ISM2: variants seen among roughly 807,000 people sequenced by gnomAD.
ISM2 encodes isthmin-2.
A neutral mutation model predicts 58.0 loss-of-function variants in ISM2; 50 were observed. The ratio of observed to expected loss-of-function variants is 0.86; its 90% CI spans 0.69 to 1.09. ISM2 has a LOEUF of 1.09. Among genes scored for constraint, ISM2 ranks in the 50% least tolerant of loss-of-function variants. The pLI is 0.00. For synonymous variants in ISM2, 303 were observed against 312.4 expected, an observed-to-expected ratio of 0.97 and a Z score of 0.32; for missense variants, 723 against 745.0, an observed-to-expected ratio of 0.97 and a Z score of 0.34.
At chr14:77,476,849 CCAA>C (rs2079101568) in intron 6 of ISM2, among the ~76,000 whole-genome samples, 1 of 152,158 alleles carries the variant, frequency 6.6e-6, no homozygotes, top group Non-Finnish European at 1.5e-5. Flanking sequence ...ACCAGCCTGG[CCAA>C]CATGGCAAAG....
intron 1 of ISM2, among the ~76,000 whole-genome samples, chr14:77,489,964 C>T (rs1170860826): frequency 2.6e-5 from 4 of 152,178 alleles, no homozygotes; most frequent in African/African-American, 4.8e-5. Context: ...CCCGGGTTCA[C>T]GCTATTCTCC....
rs2079152294 is a variant in ISM2 at position 77,484,354 on chromosome 14, G to T, written c.596C>A (p.Ala199Glu). The change falls in exon 3 of 7, where the codon GCA (alanine) becomes GAA (glutamate). Residue 199 changes from alanine to glutamate, a missense_variant. Ala to Glu is a moderately radical substitution (Grantham distance 107). Transcript: ENST00000342219. ...ATCAGGGTTAGGGGTACTCAAGGTTGCGTGGACCAATTCTGGCAGCTTCTG... is the reference window on the plus strand; with the variant it reads ...ATCAGGGTTAGGGGTACTCAAGGTTTCGTGGACCAATTCTGGCAGCTTCTG... ...ELQKLPELVHATLSTPNPDNQ... is the reference protein window; with the variant it reads ...ELQKLPELVHETLSTPNPDNQ... The T allele has an allele frequency of 6.2e-7, 1 of 1,612,196 alleles. No homozygotes were observed. The highest frequency in any genetic ancestry group is 1.3e-5 in the African/African-American group (1 of 74,806).
At chr14:77,491,696 T>A (rs1401551689) in intron 1 of ISM2, among the ~76,000 whole-genome samples, 1 of 144,850 alleles carries the variant, frequency 6.9e-6, no homozygotes, top group Non-Finnish European at 1.5e-5. Flanking sequence ...CTGGTCTTTT[T>A]TTTTTTTTTT....
rs1207086343 is a variant in ISM2 at position 77,474,681 on chromosome 14, T to A, written c.*914A>T. The A allele has an allele frequency of 6.6e-6, 1 of 152,132 alleles. No individual in the cohort carries two copies. Among genetic ancestry groups the A allele is most frequent in the East Asian group, 1.9e-4 (1 of 5,192 alleles). The allele number at this position is 152,132 out of a possible 1,614,324, so 9.4% of individuals were successfully genotyped here. ...TGACATGGGACACTGCTGGGAGAAT[T>A]TACACCACAGAAGCTGCCCAAATGC... On this transcript the variant is annotated 3_prime_UTR_variant, in exon 7 of 7. Transcript: ENST00000342219.
chr14:77,498,585 C>T (rs1170467311), intron 1 of ISM2, 68 bp downstream of exon 1: 4 of 1,393,362 alleles, frequency 2.9e-6, no homozygotes, highest in African/African-American at 3.1e-5. Flanking sequence ...CCCCGCACGG[C>T]TGGAGCCGGC....
chr14:77,479,385 A>AT (rs1182524391), intron 4 of ISM2, among the ~76,000 whole-genome samples: 12,438 of 118,598 alleles, frequency 0.1, 664 homozygotes, highest in Admixed American at 0.18. Flanking sequence ...TGCCTGGCTA[A>AT]TTTTTTTTTT....
At chr14:77,497,367 CA>C (rs35676781) in intron 1 of ISM2, among the ~76,000 whole-genome samples, 9,476 of 64,544 alleles carry the variant, frequency 0.15, 372 homozygotes, top group South Asian at 0.27. Context: ...GGCTCTGTCT[CA>C]AAAAAAAAAA....
chr14:77,478,292 C>A lies in ISM2; in HGVS notation c.1148G>T (p.Ser383Ile). Residue 383 changes from serine (S) to isoleucine (I), a missense_variant, in exon 6 of 7, where the codon AGT becomes ATT. Coordinates refer to ENST00000342219, the MANE Select transcript of ISM2 (RefSeq NM_199296.3). ...GCGGGCCAGGAGCTTCCACTCCTCA[C>A]TGGGGAGGCCCAAGGTGTCCTTGTC... ...TEDKDTLGLP[S>I]EEWKLLARNA... is the part of the protein sequence containing the mutation. The A allele has an allele frequency of 6.2e-7, 1 of 1,614,210 alleles. No homozygotes were observed. Among genetic ancestry groups the A allele is most frequent in the South Asian group, 1.1e-5 (1 of 91,086 alleles).
At chr14:77,477,431 G>T (rs776961871) in intron 6 of ISM2, among the ~76,000 whole-genome samples, 5 of 152,212 alleles carry the variant, frequency 3.3e-5, no homozygotes, top group Non-Finnish European at 7.3e-5. Context: ...TTTGGGTTTT[G>T]ACTGGGAGTG....
intron 1 of ISM2, among the ~76,000 whole-genome samples, chr14:77,488,507 A>C (rs188831222): frequency 7.2e-5 from 11 of 152,288 alleles, no homozygotes; most frequent in African/African-American, 2.6e-4. Context: ...GGTGGAAATG[A>C]GTTCAGGCTG....
intron 1 of ISM2, among the ~76,000 whole-genome samples, chr14:77,491,554 A>C (rs1220119523): frequency 1.3e-5 from 2 of 152,008 alleles, no homozygotes; most frequent in East Asian, 3.9e-4. Context: ...ATGCCCGGCT[A>C]ATTTTTTTGG....
chr14:77,477,363 T>C (rs2079104872), intron 6 of ISM2, among the ~76,000 whole-genome samples: 1 of 152,122 alleles, frequency 6.6e-6, no homozygotes, highest in Non-Finnish European at 1.5e-5. Flanking sequence ...CTTTGATAGT[T>C]TGAGGCTCTG....
rs1044648582 is a variant in ISM2 at position 77,475,206 on chromosome 14, C to G, written c.*389G>C. 1 of 160,518 alleles carries G rather than the reference C, an allele frequency of 6.2e-6. No homozygotes were observed. The highest frequency in any genetic ancestry group is 2.4e-5 in the African/African-American group (1 of 41,754). 9.9% of individuals were successfully genotyped at this position (160,518 alleles called of 1,614,324 possible). On this transcript the variant is annotated 3_prime_UTR_variant, in exon 7 of 7. Transcript: ENST00000342219. This position sits in a 1 kb window ranked among gnomAD's most constrained non-coding sequence, Gnocchi z 4.1. ...AGTAGGAGTGACTCGTGGCAGATCC[C>G]GGGAATCGGGATTTTTCTGGAGCTG...
At chr14:77,482,199 AG>A (rs956946633) in intron 4 of ISM2, 122 bp downstream of exon 4, 4 of 638,072 alleles carry the variant, frequency 6.3e-6, no homozygotes, top group Non-Finnish European at 1.1e-5. Flanking sequence ...TGTTTGAACA[AG>A]GCCTAAGCTC....
chr14:77,482,282 C>G (rs376190852), intron 4 of ISM2, 40 bp downstream of exon 4: 17 of 1,508,340 alleles, frequency 1.1e-5, no homozygotes, highest in Non-Finnish European at 1.5e-5. Context: ...TCAGTACCTA[C>G]AGGGGAGCAG....
chr14:77,476,222 C>A lies in ISM2; in HGVS notation c.1199-110G>T. On this transcript the variant is annotated intron_variant, in intron 6 of 6. Coordinates refer to ENST00000342219, the MANE Select transcript of ISM2 (RefSeq NM_199296.3). ...TGGGGAGAGAAGGCCCAGGCCCCAG[C>A]TGGTGCAAAGGCGTGGCTTGGTAGG... The A allele has an allele frequency of 6.2e-6, 8 of 1,282,232 alleles. 1 individual carries two copies. Among genetic ancestry groups the A allele is most frequent in the South Asian group, 6.2e-5 (4 of 64,158 alleles). The allele number at this position is 1,282,232 out of a possible 1,614,324, so 79.4% of individuals were successfully genotyped here. A position where few individuals can be genotyped will look rare whatever the true frequency, so the allele number is the denominator to read the frequency against.
At position 77,475,453 on chromosome 14, in the gene ISM2, A is replaced by G; in HGVS notation, c.*142T>C. 1 of 792,612 alleles carries G rather than the reference A, an allele frequency of 1.3e-6. No individual in the cohort carries two copies. The highest frequency in any genetic ancestry group is 2.7e-5 in the East Asian group (1 of 37,266). 49.1% of individuals were successfully genotyped at this position (792,612 alleles called of 1,614,324 possible). Reference sequence around the variant, plus strand: ...ATATCTGCTTCGGGGTCGCTGGCAGAGGGCACACAGCCTCGGACCAACCTC... The same window carrying G: ...ATATCTGCTTCGGGGTCGCTGGCAGGGGGCACACAGCCTCGGACCAACCTC... On this transcript the variant is annotated 3_prime_UTR_variant, in exon 7 of 7. Coordinates refer to ENST00000342219, the MANE Select transcript of ISM2 (RefSeq NM_199296.3). The surrounding 1 kb of genome is among the most constrained non-coding windows in gnomAD (Gnocchi z 4.1).
Position 77,492,174 on chromosome 14 carries a change from T to C in ISM2, c.141+6479A>G, listed in dbSNP as rs375528852. 5.3e-5 allele frequency among the ~76,000 whole-genome samples: 8 copies of C among 152,240 alleles called. No homozygotes were observed. In the East Asian group the frequency reaches 1.5e-3, roughly 29 times the overall value. On this transcript the variant is annotated intron_variant, in intron 1 of 6. Transcript: ENST00000342219. Reference sequence around the variant, plus strand: ...ACCACACCCAGCCTCTCTTGCCTAATTCTAACCCCCTCAACCCCTTTGTGG... The same window carrying C: ...ACCACACCCAGCCTCTCTTGCCTAACTCTAACCCCCTCAACCCCTTTGTGG...
intron 1 of ISM2, among the ~76,000 whole-genome samples, chr14:77,497,442 T>C (rs2079250724): frequency 1.3e-5 from 2 of 149,208 alleles, no homozygotes; most frequent in African/African-American, 5.0e-5. Context: ...ACTGGCACTA[T>C]GGGAGGCTGA....
Sources: allele counts gnomAD v4.1 joint callset (sites outside exome capture counted in the v4.1 genomes callset), GRCh38; gene constraint gnomAD v4.1.1; non-coding constraint Gnocchi (gnomAD v3.1); transcripts MANE v1.5; gene names NCBI Gene and HGNC (gene_info 2026-07-23, HGNC 2026-07-21).